The following SLC36A1 variants were observed in gnomAD, a reference collection of about 807,000 sequenced individuals.
SLC36A1 encodes the protein solute carrier family 36 member 1, also known as proton-coupled amino acid transporter 1.
SLC36A1 carries 30 observed loss-of-function variants against 47.5 expected under a neutral mutation model. The ratio of observed to expected loss-of-function variants is 0.63; its 90% CI spans 0.47 to 0.86. The LOEUF (loss-of-function observed/expected upper bound fraction) is 0.86, where lower values mean the gene tolerates loss of function less well. Ranked by LOEUF, SLC36A1 falls within the 40% of genes least tolerant of loss-of-function variation. The pLI is 0.00. For synonymous variants in SLC36A1, 255 were observed against 249.7 expected (o/e 1.02, Z -0.20); for missense variants, 517 against 606.0 (o/e 0.85, Z 1.54).
intron 9 of SLC36A1, chr5:151,477,519 C>G (rs1364891382): frequency 6.6e-6 from 1 of 152,282 alleles, no homozygotes; most frequent in Non-Finnish European, 1.5e-5. Flanking sequence ...AGGCTTGACC[C>G]TGCTTAGCTT....
the SLC36A1 span, chr5:151,517,545 A>C: frequency 6.4e-7 from 1 of 1,570,442 alleles, no homozygotes; most frequent in Non-Finnish European, 8.7e-7. Context: ...GCTTCCTGAC[A>C]TTCCTCATGC....
At chr5:151,451,646 T>G (rs1379376551) in intron 1 of SLC36A1, among the ~76,000 whole-genome samples, 1 of 152,224 alleles carries the variant, frequency 6.6e-6, no homozygotes, top group East Asian at 1.9e-4. Flanking sequence ...TAACATTTAT[T>G]TATTTTTTCC....
Position 151,476,761 on chromosome 5 carries a change from G to T in SLC36A1, c.989+5G>T, listed in dbSNP as rs2278375. ...CCTCAACCTGCCCAACTGCTGGTAC[G>T]TGGAGGGAGGATGGAAACCTAGGAG... is the stretch of plus-strand genomic sequence containing the variant. On this transcript the variant is annotated splice_donor_5th_base_variant and intron_variant, in intron 9 of 10. Transcript: ENST00000243389. 1.9e-6 allele frequency: 3 copies of T among 1,610,528 alleles called. No homozygotes were observed. The highest frequency in any genetic ancestry group is 2.5e-6 in the Non-Finnish European group (3 of 1,177,972).
At chr5:151,426,373 A>G in the SLC36A1 span, among the ~76,000 whole-genome samples, 1 of 151,890 alleles carries the variant, frequency 6.6e-6, no homozygotes, top group Non-Finnish European at 1.5e-5. Flanking sequence ...GGGATGTAGC[A>G]GGACTATAGG....
the SLC36A1 span, among the ~76,000 whole-genome samples, chr5:151,525,520 C>T: frequency 6.6e-6 from 1 of 152,144 alleles, no homozygotes; most frequent in Non-Finnish European, 1.5e-5. Context: ...CACTTATTAC[C>T]AGTATTACTT....
the SLC36A1 span, among the ~76,000 whole-genome samples, chr5:151,360,414 A>G: frequency 2.0e-5 from 3 of 152,208 alleles, no homozygotes; most frequent in Non-Finnish European, 1.5e-5. Context: ...TATATTTACT[A>G]TTCATTAAAT....
At chr5:151,507,718 C>T in the SLC36A1 span, 2 of 1,062,746 alleles carry the variant, frequency 1.9e-6, no homozygotes, top group Non-Finnish European at 2.6e-6. Context: ...AACCTACCAT[C>T]TCCCGTTTTT....
In SLC36A1 at chr5:151,467,190, C is replaced by T. The variant is rs2127494386; in HGVS notation, c.420-9C>T. ...ACAGTCTTTGTATTCCTTCCTTCCCCACCTCCAGACGTGTTGTGGACTTCT... is the reference window on the plus strand; with the variant it reads ...ACAGTCTTTGTATTCCTTCCTTCCCTACCTCCAGACGTGTTGTGGACTTCT... On this transcript the variant is annotated splice_polypyrimidine_tract_variant and intron_variant, in intron 5 of 10. Transcript: ENST00000243389. The T allele has an allele frequency of 6.3e-7, 1 of 1,597,718 alleles. No homozygotes were observed. Among genetic ancestry groups the T allele is most frequent in the Non-Finnish European group, 8.5e-7 (1 of 1,170,148 alleles).
the SLC36A1 span, among the ~76,000 whole-genome samples, chr5:151,406,143 G>A: frequency 3.9e-5 from 6 of 152,314 alleles, no homozygotes; most frequent in South Asian, 1.0e-3. Flanking sequence ...CTTAGCCCCA[G>A]GAAGGGCCCT....
chr5:151,367,084 C>T, the SLC36A1 span, among the ~76,000 whole-genome samples: 1 of 151,092 alleles, frequency 6.6e-6, no homozygotes, highest in Non-Finnish European at 1.5e-5. Flanking sequence ...TGATAAGGGT[C>T]CAACAAAGAT....
At chr5:151,355,751 T>G in the SLC36A1 span, among the ~76,000 whole-genome samples, 7 of 152,354 alleles carry the variant, frequency 4.6e-5, no homozygotes, top group South Asian at 2.1e-4. Flanking sequence ...TGAACCCATT[T>G]TTCAAAAAAC....
At chr5:151,466,379 A>T (rs1468477472) in intron 5 of SLC36A1, among the ~76,000 whole-genome samples, 1 of 152,214 alleles carries the variant, frequency 6.6e-6, no homozygotes, top group African/African-American at 2.4e-5. Context: ...AGTTTTTTGC[A>T]CAGATTGACC....
chr5:151,348,966 C>T, the SLC36A1 span, among the ~76,000 whole-genome samples: 1 of 152,190 alleles, frequency 6.6e-6, no homozygotes, highest in Non-Finnish European at 1.5e-5. Flanking sequence ...TCAACTGAAA[C>T]ACTTGCTGTG....
intron 8 of SLC36A1, among the ~76,000 whole-genome samples, chr5:151,473,993 C>T (rs562202877): frequency 6.6e-6 from 1 of 151,638 alleles, no homozygotes; most frequent in South Asian, 2.1e-4. Flanking sequence ...AACCCCATCT[C>T]TACTAAATAT....
the SLC36A1 span, among the ~76,000 whole-genome samples, chr5:151,374,002 C>T: frequency 5.3e-5 from 8 of 152,276 alleles, no homozygotes; most frequent in African/African-American, 1.7e-4. Context: ...GAAAGATTCT[C>T]CCCGGGGCCT....
At chr5:151,517,765 C>T in the SLC36A1 span, 5 of 1,614,034 alleles carry the variant, frequency 3.1e-6, no homozygotes, top group South Asian at 1.1e-5. Flanking sequence ...TGTAGCAGTA[C>T]CTGAGAAAGC....
intron 10 of SLC36A1, among the ~76,000 whole-genome samples, chr5:151,482,056 C>T (rs1758868003): frequency 1.3e-5 from 2 of 152,180 alleles, no homozygotes; most frequent in African/African-American, 4.8e-5. Flanking sequence ...AAACCTATTT[C>T]TGAAGATATA....
the SLC36A1 span, chr5:151,554,757 C>A: frequency 2.0e-4 from 208 of 1,058,130 alleles, 1 homozygote; most frequent in South Asian, 3.0e-3. Flanking sequence ...ATAGTAGTCA[C>A]TTTGTTCTTT....
chr5:151,543,157 A>C, the SLC36A1 span: 2 of 1,614,160 alleles, frequency 1.2e-6, no homozygotes, highest in South Asian at 2.2e-5. Flanking sequence ...GAAGAAGTCA[A>C]GGGTCTGATT....
Sources: gnomAD v4.1 joint callset for allele counts (sites outside exome capture counted in the v4.1 genomes callset) on GRCh38, gnomAD v4.1.1 for gene constraint, MANE v1.5 for transcripts, NCBI Gene and HGNC (gene_info 2026-07-23, HGNC 2026-07-21) for gene names.